The following IPCEF1 variants were observed in gnomAD, a reference collection of about 807,000 sequenced individuals.
The protein encoded by IPCEF1 is interactor protein for cytohesin exchange factors 1.
In IPCEF1, 31 loss-of-function variants were observed where a neutral mutation model predicts 50.9. That is an observed-to-expected ratio of 0.61 (90% CI 0.46 to 0.82). The LOEUF (loss-of-function observed/expected upper bound fraction) is 0.82. Ranked by LOEUF, IPCEF1 falls within the 40% of genes least tolerant of loss-of-function variation. The pLI is 0.00. For synonymous variants in IPCEF1, 181 were observed against 192.0 expected (o/e 0.94, Z 0.47); for missense variants, 458 against 514.0 (o/e 0.89, Z 1.05).
intron 1 of IPCEF1, 88 bp downstream of exon 1, chr6:154,356,584 G>T (rs910229099): frequency 2.6e-5 from 4 of 152,232 alleles, no homozygotes; most frequent in African/African-American, 9.7e-5. Context: ...ACTACTCTAA[G>T]GAGAGTGCTA....
At chr6:154,334,058 GGGCAGCT>G (rs1371432090) in intron 1 of IPCEF1, among the ~76,000 whole-genome samples, 3 of 152,226 alleles carry the variant, frequency 2.0e-5, no homozygotes, top group Non-Finnish European at 4.4e-5. Context: ...CTTCATTATT[GGGCAGCT>G]AACATTTAGA....
intron 2 of IPCEF1, among the ~76,000 whole-genome samples, chr6:154,274,160 T>C (rs1264291959): frequency 6.6e-6 from 1 of 152,136 alleles, no homozygotes; most frequent in South Asian, 2.1e-4. Flanking sequence ...CTTCCCTTTT[T>C]TATTGTTGTC....
chr6:154,225,443 G>A (rs182723844), intron 5 of IPCEF1, among the ~76,000 whole-genome samples: 8 of 152,304 alleles, frequency 5.3e-5, no homozygotes, highest in South Asian at 4.1e-4. Context: ...TACATGCTAC[G>A]TGGATGAATC....
chr6:154,235,232 G>C (rs1780021235), intron 5 of IPCEF1, among the ~76,000 whole-genome samples: 2 of 152,174 alleles, frequency 1.3e-5, no homozygotes, highest in African/African-American at 4.8e-5. Flanking sequence ...TTGAATATTA[G>C]AGATTTAGAA....
intron 2 of IPCEF1, among the ~76,000 whole-genome samples, chr6:154,287,561 G>A (rs982912451): frequency 2.6e-5 from 4 of 152,180 alleles, no homozygotes; most frequent in Non-Finnish European, 5.9e-5. Context: ...AGATTGGTGT[G>A]TATTTGTGTC....
In IPCEF1 at chr6:154,168,808, G is replaced by T. The variant is rs935540743; in HGVS notation, c.911-695C>A. 8.6e-5 allele frequency among the ~76,000 whole-genome samples: 13 copies of T among 151,710 alleles called. No homozygotes were observed. The highest frequency in any genetic ancestry group is 1.9e-4 in the Non-Finnish European group (13 of 67,942). ...TTTAGTACAGACAGGGTTTCACCAT[G>T]TTGCCCAGGCTGGTCTTGAACTCCT... On this transcript the variant is annotated intron_variant, in intron 10 of 11. Transcript: ENST00000367220. This position sits in a 1 kb window ranked among gnomAD's most constrained non-coding sequence, Gnocchi z 4.1.
chr6:154,171,155 A>G (rs1194352076), intron 10 of IPCEF1, among the ~76,000 whole-genome samples: 2 of 152,226 alleles, frequency 1.3e-5, no homozygotes, highest in African/African-American at 4.8e-5. Flanking sequence ...TCACACAAAA[A>G]TTGTACATGA....
intron 4 of IPCEF1, chr6:154,247,143 C>T (rs1389591902): frequency 2.1e-5 from 9 of 424,360 alleles, no homozygotes; most frequent in African/African-American, 1.2e-4. Flanking sequence ...CTCCTCTCAA[C>T]AATAACAGCC....
rs1197639068 is a variant in IPCEF1 at position 154,273,758 on chromosome 6, T to C, written c.-17-7794A>G. 1.5e-3 allele frequency among the ~76,000 whole-genome samples: 80 copies of C among 54,882 alleles called. 3 individuals are homozygous for C. Among genetic ancestry groups the C allele is most frequent in the East Asian group, 5.2e-3 (5 of 970 alleles). The allele number at this position is 54,882 out of a possible 152,430, so 36.0% of individuals were successfully genotyped here. On this transcript the variant is annotated intron_variant, in intron 2 of 11. Transcript: ENST00000367220. ...TTTTTTTTTTTTTTTTTTTTTTTTT[T>C]TTTTTTTTTTTTTGAGGCAGAGTCT...
rs2128554699 is a variant in IPCEF1, at chr6:154,168,938, C to T, written c.911-825G>A. Among the ~76,000 whole-genome samples, 1 of 151,858 alleles carries T rather than the reference C, an allele frequency of 6.6e-6. No homozygotes were observed. Among genetic ancestry groups the T allele is most frequent in the Admixed American group, 6.6e-5 (1 of 15,234 alleles). On this transcript the variant is annotated intron_variant, in intron 10 of 11. Transcript: ENST00000367220. The surrounding 1 kb of genome is among the most constrained non-coding windows in gnomAD (Gnocchi z 4.1). ...TGAATTTTAGAGGGACACAATTCAA[C>T]CCATACATAGTCCACCCTCCGGCCT...
intron 5 of IPCEF1, among the ~76,000 whole-genome samples, chr6:154,227,295 T>G (rs2103277): frequency 0.32 from 49,133 of 152,108 alleles, 8,455 homozygotes; most frequent in Admixed American, 0.48. Context: ...GCACCCAATT[T>G]ATGGCATGAT....
At chr6:154,204,238 A>G (rs1008350908) in intron 9 of IPCEF1, among the ~76,000 whole-genome samples, 2 of 152,138 alleles carry the variant, frequency 1.3e-5, no homozygotes, top group Non-Finnish European at 2.9e-5. Context: ...CTTTTCTTGG[A>G]ATTGTTTTTC....
intron 10 of IPCEF1, among the ~76,000 whole-genome samples, chr6:154,190,809 T>C (rs568428245): frequency 6.6e-6 from 1 of 152,312 alleles, no homozygotes; most frequent in South Asian, 2.1e-4. Flanking sequence ...ATCCATACAA[T>C]GGAATATTAT....
chr6:154,200,598 G>C (rs554946100), intron 9 of IPCEF1, among the ~76,000 whole-genome samples: 1 of 152,210 alleles, frequency 6.6e-6, no homozygotes, highest in South Asian at 2.1e-4. Context: ...GCGCGCACCT[G>C]TAGTCCCAGC....
At chr6:154,335,020 A>G (rs1783759333) in intron 1 of IPCEF1, among the ~76,000 whole-genome samples, 1 of 152,150 alleles carries the variant, frequency 6.6e-6, no homozygotes, top group Admixed American at 6.6e-5. Context: ...AAAACCAAGA[A>G]TATAACCACA....
chr6:154,221,789 G>T (rs1337736181), intron 6 of IPCEF1, among the ~76,000 whole-genome samples: 1 of 152,106 alleles, frequency 6.6e-6, no homozygotes, highest in Non-Finnish European at 1.5e-5. Flanking sequence ...CAGGAGAATG[G>T]CATGAACCTG....
At chr6:154,229,272 T>C (rs1309239912) in intron 5 of IPCEF1, among the ~76,000 whole-genome samples, 1 of 151,900 alleles carries the variant, frequency 6.6e-6, no homozygotes, top group Non-Finnish European at 1.5e-5. Flanking sequence ...AATGAATGAA[T>C]GAACTATAAT....
chr6:154,175,411 A>G (rs1368238567), intron 10 of IPCEF1, among the ~76,000 whole-genome samples: 1 of 151,820 alleles, frequency 6.6e-6, no homozygotes, highest in Non-Finnish European at 1.5e-5. Flanking sequence ...AAAGATCAAC[A>G]AAATAGATAG....
intron 9 of IPCEF1, among the ~76,000 whole-genome samples, chr6:154,204,570 TCCTTCTCTGTCACTGA>T (rs1403164852): frequency 6.6e-6 from 1 of 152,162 alleles, no homozygotes; most frequent in African/African-American, 2.4e-5. Flanking sequence ...AATAGTACAC[TCCTTCTCTGTCACTGA>T]CCTTCTGCAT....
Sources: gnomAD v4.1 joint callset for allele counts (sites outside exome capture counted in the v4.1 genomes callset) on GRCh38, gnomAD v4.1.1 for gene constraint, Gnocchi (gnomAD v3.1) non-coding constraint, MANE v1.5 for transcripts, NCBI Gene and HGNC (gene_info 2026-07-23, HGNC 2026-07-21) for gene names.